Variants in TNKS2 observed in about 807,000 individuals in gnomAD.
TNKS2 encodes the protein poly [ADP-ribose] polymerase tankyrase-2.
Under a neutral mutation model 137.6 loss-of-function variants are expected in TNKS2, and 72 were observed. That is an observed-to-expected ratio of 0.52 (90% CI 0.43 to 0.64). The LOEUF is 0.64. Ranked by LOEUF, TNKS2 falls within the 30% of genes least tolerant of loss-of-function variation. The pLI is 0.00. For synonymous variants in TNKS2, 516 were observed against 512.1 expected (o/e 1.01, Z -0.10); for missense variants, 1,049 against 1,410.2 (o/e 0.74, Z 4.10).
chr10:91,835,693 T>C (rs1356616348), intron 12 of TNKS2, among the ~76,000 whole-genome samples: 1 of 151,512 alleles, frequency 6.6e-6, no homozygotes, highest in Non-Finnish European at 1.5e-5. Context: ...AGTGCTGCGA[T>C]CTTGGCTCAC....
chr10:91,843,694 AG>A (rs969626498), intron 16 of TNKS2, among the ~76,000 whole-genome samples: 6 of 152,200 alleles, frequency 3.9e-5, no homozygotes, highest in Non-Finnish European at 7.3e-5. Flanking sequence ...ACCTCAGTGG[AG>A]TTCCATCATA....
At chr10:91,805,107 C>CTT (rs5786972) in intron 1 of TNKS2, among the ~76,000 whole-genome samples, 2 of 147,022 alleles carry the variant, frequency 1.4e-5, no homozygotes, top group Non-Finnish European at 3.0e-5. Flanking sequence ...CTCCAAGCAA[C>CTT]TTTTTTTTTT....
At chr10:91,840,310 A>C (rs1842170626) in intron 13 of TNKS2, among the ~76,000 whole-genome samples, 1 of 152,214 alleles carries the variant, frequency 6.6e-6, no homozygotes, top group South Asian at 2.1e-4. Flanking sequence ...ACTGCACCCC[A>C]GCCTGGGTAA....
chr10:91,805,584 C>G (rs1416950410), intron 1 of TNKS2, among the ~76,000 whole-genome samples: 1 of 152,198 alleles, frequency 6.6e-6, no homozygotes, highest in Admixed American at 6.5e-5. Context: ...CCAGTTGACA[C>G]TGTCTCTCAT....
intron 16 of TNKS2, among the ~76,000 whole-genome samples, chr10:91,843,489 G>A (rs1470366439): frequency 7.9e-5 from 12 of 152,132 alleles, no homozygotes; most frequent in African/African-American, 2.4e-4. Context: ...AGGTACTGGG[G>A]TTAGGGCTTC....
chr10:91,862,803 A>G (rs1451606656), intron 26 of TNKS2, 134 bp from the exon 27 acceptor site: 5 of 595,804 alleles, frequency 8.4e-6, no homozygotes, highest in Non-Finnish European at 1.5e-5. Flanking sequence ...GTTTTGAGAA[A>G]ATGTCCCTAG....
intron 7 of TNKS2, among the ~76,000 whole-genome samples, chr10:91,823,367 G>A (rs2421703): frequency 7.4e-6 from 1 of 135,208 alleles, no homozygotes. Flanking sequence ...TCGCTCTGTC[G>A]CCCAGGCTGG....
At chr10:91,800,718 G>C (rs1446646590) in intron 1 of TNKS2, among the ~76,000 whole-genome samples, 1 of 152,072 alleles carries the variant, frequency 6.6e-6, no homozygotes, top group Admixed American at 6.6e-5. Context: ...ATGAAGTGGG[G>C]GTTCTTCATT....
In TNKS2 at chr10:91,855,700, G is replaced by A. The variant is rs1564630202; in HGVS notation, c.2988+12G>A. On this transcript the variant is annotated intron_variant, in intron 23 of 26. Coordinates refer to ENST00000371627, the MANE Select transcript of TNKS2 (RefSeq NM_025235.4). Reference sequence around the variant, plus strand: ...ACAATATTCTCAAGGTAATAAATTAGTGAAAGTAAAGTTTTCTGAGACTGT... The same window carrying A: ...ACAATATTCTCAAGGTAATAAATTAATGAAAGTAAAGTTTTCTGAGACTGT... 6.2e-7 allele frequency: 1 copy of A among 1,600,234 alleles called. No homozygotes were observed. The highest frequency in any genetic ancestry group is 8.5e-7 in the Non-Finnish European group (1 of 1,171,060).
intron 1 of TNKS2, among the ~76,000 whole-genome samples, chr10:91,811,148 A>G (rs189098562): frequency 1.9e-4 from 26 of 139,572 alleles, no homozygotes; most frequent in Non-Finnish European, 9.5e-5. Flanking sequence ...CTGGTCTCGA[A>G]CTCCTGACCT....
At chr10:91,803,839 T>C (rs1460584374) in intron 1 of TNKS2, among the ~76,000 whole-genome samples, 2 of 152,208 alleles carry the variant, frequency 1.3e-5, no homozygotes, top group East Asian at 1.9e-4. Context: ...AGCCTACCTT[T>C]AGATATTGCA....
At chr10:91,828,260 A>G (rs200744850) in intron 8 of TNKS2, 25 bp from the exon 9 acceptor site, 82 of 1,533,722 alleles carry the variant, frequency 5.3e-5, no homozygotes, top group Non-Finnish European at 6.7e-5. Context: ...CTCGTTATAC[A>G]TGTAAATGCT....
chr10:91,812,738 T>C (rs1458842791), intron 1 of TNKS2: 1 of 983,864 alleles, frequency 1.0e-6, no homozygotes, highest in East Asian at 1.1e-4. Flanking sequence ...TTCTTTGAGG[T>C]TAGCAGTAGT....
intron 1 of TNKS2, among the ~76,000 whole-genome samples, chr10:91,803,323 G>C (rs1157233600): frequency 6.6e-6 from 1 of 152,050 alleles, no homozygotes; most frequent in South Asian, 2.1e-4. Flanking sequence ...GACCAGCCTG[G>C]GCAACAATGG....
chr10:91,806,938 C>T (rs938563380), intron 1 of TNKS2, among the ~76,000 whole-genome samples: 4 of 151,410 alleles, frequency 2.6e-5, no homozygotes, highest in African/African-American at 9.7e-5. Flanking sequence ...AAATAATCTC[C>T]AGTTTCTAAG....
In TNKS2 at chr10:91,828,485, C is replaced by T. The variant is rs3740301; in HGVS notation, c.1104+79C>T. ...TAATCATAATATCCTACTTTTAGAA[C>T]TAGCATTTTTTTGAGTCTATAGTTT... On this transcript the variant is annotated intron_variant, in intron 9 of 26. Transcript: ENST00000371627. The T allele has an allele frequency of 7.5e-3, 9,853 of 1,320,612 alleles. 715 individuals carry two copies. The East Asian group carries it at 0.18, about 24-fold the overall frequency. The allele number at this position is 1,320,612 out of a possible 1,614,324, so 81.8% of individuals were successfully genotyped here.
At chr10:91,827,244 CAAT>C in intron 8 of TNKS2, 41 bp downstream of exon 8, 1 of 1,338,194 alleles carries the variant, frequency 7.5e-7, no homozygotes, top group East Asian at 2.6e-5. Context: ...GATATTATAT[CAAT>C]AAACTGAACA....
chr10:91,812,926 C>G (rs528760411), intron 1 of TNKS2, 57 bp from the exon 2 acceptor site: 2 of 1,586,304 alleles, frequency 1.3e-6, no homozygotes, highest in African/African-American at 1.3e-5. Context: ...TGGTACTTAT[C>G]TAATTTGATA....
chr10:91,832,429 A>G lies in TNKS2; in HGVS notation c.1275+1248A>G, dbSNP rs543498289. Among the ~76,000 whole-genome samples, 79 of 151,902 alleles carry G rather than the reference A, an allele frequency of 5.2e-4. 1 individual carries two copies. In the Middle Eastern group the frequency reaches 0.01, roughly 20 times the overall value. ...CCAGGAAAGTCCTAGGCAAACCAGA[A>G]CAAGTGGTCACCCTAATCCTAACAC... On this transcript the variant is annotated intron_variant, in intron 11 of 26. Coordinates refer to ENST00000371627, the MANE Select transcript of TNKS2 (RefSeq NM_025235.4).
Sources: allele counts gnomAD v4.1 joint callset (sites outside exome capture counted in the v4.1 genomes callset), GRCh38; gene constraint gnomAD v4.1.1; transcripts MANE v1.5; gene names NCBI Gene and HGNC (gene_info 2026-07-23, HGNC 2026-07-21).